The following USP34 variants were observed in gnomAD, a reference collection of about 807,000 sequenced individuals.
USP34 encodes the protein ubiquitin carboxyl-terminal hydrolase 34.
Under a neutral mutation model 460.3 loss-of-function variants are expected in USP34, and 70 were observed. The ratio of observed to expected loss-of-function variants is 0.15; its 90% CI spans 0.13 to 0.19. The LOEUF (loss-of-function observed/expected upper bound fraction) is 0.19. Among genes scored for constraint, USP34 ranks in the 10% least tolerant of loss-of-function variants. The probability of loss-of-function intolerance (pLI) is 1.00; values close to 1 mark genes in which losing one functional copy is unlikely to be tolerated. For synonymous variants in USP34, 1,647 were observed against 1,405.3 expected, an observed-to-expected ratio of 1.17 and a Z score of -3.85; for missense variants, 3,985 against 4,236.2, an observed-to-expected ratio of 0.94 and a Z score of 1.65.
intron 18 of USP34, among the ~76,000 whole-genome samples, chr2:61,335,514 G>C (rs1004081488): frequency 4.6e-5 from 7 of 152,220 alleles, no homozygotes; most frequent in Admixed American, 3.9e-4. Context: ...ACTTTGGGAA[G>C]TCAAGGTGAG....
At chr2:61,240,010 CAAAAAAA>C (rs10552748) in intron 53 of USP34, among the ~76,000 whole-genome samples, 1 of 104,866 alleles carries the variant, frequency 9.5e-6, no homozygotes. Flanking sequence ...GACTCCTTCT[CAAAAAAA>C]AAAAAAAAAA....
intron 43 of USP34, among the ~76,000 whole-genome samples, chr2:61,261,727 AATAAT>A (rs1688883762): frequency 1.3e-5 from 2 of 152,184 alleles, no homozygotes; most frequent in Non-Finnish European, 2.9e-5. Context: ...CAGAAAAGGG[AATAAT>A]ATAATTAACT....
At chr2:61,414,272 T>TAA (rs1558580724) in intron 2 of USP34, among the ~76,000 whole-genome samples, 4 of 102,506 alleles carry the variant, frequency 3.9e-5, no homozygotes, top group Admixed American at 1.1e-4. Context: ...ATAAATAACT[T>TAA]TAAAAAAAAA....
intron 3 of USP34, among the ~76,000 whole-genome samples, chr2:61,395,466 T>G (rs1253979065): frequency 4.6e-5 from 7 of 152,210 alleles, no homozygotes; most frequent in Non-Finnish European, 8.8e-5. Flanking sequence ...CTATTTTGCC[T>G]TATTAAACAT....
intron 27 of USP34, among the ~76,000 whole-genome samples, chr2:61,309,041 C>T (rs1690504563): frequency 6.6e-6 from 1 of 151,254 alleles, no homozygotes; most frequent in African/African-American, 2.5e-5. Flanking sequence ...TCAAAAACAA[C>T]AACAACAACA....
Position 61,459,446 on chromosome 2 carries a change from T to C in USP34, c.43+11204A>G, listed in dbSNP as rs116890007. ...TCATAGTATTCCAACTTCATAAGCA[T>C]GACACCACCTCCTAAAATTTGGGCA... On this transcript the variant is annotated intron_variant, in intron 1 of 79. Coordinates refer to ENST00000398571, the MANE Select transcript of USP34 (RefSeq NM_014709.4). 4.6e-5 allele frequency among the ~76,000 whole-genome samples: 7 copies of C among 152,290 alleles called. No homozygotes were observed. The East Asian group carries it at 9.6e-4, about 21-fold the overall frequency.
intron 46 of USP34, 43 bp downstream of exon 46, chr2:61,257,009 A>G (rs1484110436): frequency 6.9e-7 from 1 of 1,439,418 alleles, no homozygotes; most frequent in Non-Finnish European, 9.2e-7. Flanking sequence ...AAATGAAAAT[A>G]TATTAAGATC....
rs1429760798 is a variant in USP34 at position 61,437,786 on chromosome 2, T to TAAATAAATAAAC, written c.44-16954_44-16953insGTTTATTTATTT. Among the ~76,000 whole-genome samples the TAAATAAATAAAC allele has an allele frequency of 4.1e-5, 6 of 147,264 alleles. 1 individual carries two copies. The highest frequency in any genetic ancestry group is 3.2e-3 in the Middle Eastern group (1 of 308). On this transcript the variant is annotated intron_variant, in intron 1 of 79. Coordinates refer to ENST00000398571, the MANE Select transcript of USP34 (RefSeq NM_014709.4). ...AGACTCCGTCTCAAAAATAAATAAA[T>TAAATAAATAAAC]AAATAAATAAATAAATAAATAAATA...
In USP34 at chr2:61,294,957, T is replaced by C. The variant is rs1282490833; in HGVS notation, c.4453A>G (p.Ser1485Gly). The C allele has an allele frequency of 3.7e-6, 6 of 1,611,704 alleles. No homozygotes were observed. The highest frequency in any genetic ancestry group is 1.1e-5 in the South Asian group (1 of 90,360). The part of the protein sequence containing the change: ...DQVENSKNSW[S>G]CKFVAAGGLQ... Reference sequence around the variant, plus strand: ...AACACATATGATCAAACCTTGCAACTCCAGGAATTTTTACTATTTTCCACT... The same window carrying C: ...AACACATATGATCAAACCTTGCAACCCCAGGAATTTTTACTATTTTCCACT... Residue 1485 changes from serine to glycine, a missense_variant, in exon 32 of 80, where the codon AGT becomes GGT. Coordinates refer to ENST00000398571, the MANE Select transcript of USP34 (RefSeq NM_014709.4).
chr2:61,389,563 A>T lies in USP34; in HGVS notation c.753+5290T>A, dbSNP rs538622058. On this transcript the variant is annotated intron_variant, in intron 5 of 79. Coordinates refer to ENST00000398571, the MANE Select transcript of USP34 (RefSeq NM_014709.4). ...TAATATTCCCATTGTGATAAATGAG[A>T]AAAGTAATGCTTATAAAAGTAATGA... Among the ~76,000 whole-genome samples, 13 of 152,322 alleles carry T rather than the reference A, an allele frequency of 8.5e-5. No individual in the cohort carries two copies. The South Asian group carries it at 2.5e-3, about 29-fold the overall frequency.
chr2:61,387,647 A>T (rs970240981), intron 5 of USP34, among the ~76,000 whole-genome samples: 3 of 147,298 alleles, frequency 2.0e-5, no homozygotes, highest in Non-Finnish European at 3.0e-5. Context: ...CATATATAAA[A>T]ATATATATTT....
At position 61,350,544 on chromosome 2, in the gene USP34, A is replaced by C. The variant is rs200871725; in HGVS notation, c.1377+24T>G. On this transcript the variant is annotated intron_variant, in intron 11 of 79. Transcript: ENST00000398571. ...TTTCACTTCACGGGAAAAAAAAAAA[A>C]CTATCATGTTTTGAATGTATTACCT... 63 of 1,573,548 alleles carry C rather than the reference A, an allele frequency of 4.0e-5. No homozygotes were observed. In the African/African-American group the frequency reaches 6.8e-4, roughly 17 times the overall value.
chr2:61,301,939 T>C (rs1690238911), intron 27 of USP34, among the ~76,000 whole-genome samples: 1 of 147,200 alleles, frequency 6.8e-6, no homozygotes, highest in Non-Finnish European at 1.5e-5. Context: ...GATGGGAGGG[T>C]GAGGAGAAAA....
intron 34 of USP34, among the ~76,000 whole-genome samples, chr2:61,286,570 G>A (rs910206945): frequency 3.9e-5 from 6 of 152,030 alleles, no homozygotes; most frequent in South Asian, 2.1e-4. Context: ...TAGTAAAACC[G>A]CTTGAACACG....
Position 61,248,694 on chromosome 2 carries a change from A to T in USP34, c.6222-11T>A. The T allele has an allele frequency of 1.3e-6, 2 of 1,540,604 alleles. No individual in the cohort carries two copies. The highest frequency in any genetic ancestry group is 1.8e-6 in the Non-Finnish European group (2 of 1,140,534). ...TTCTTAAAACATGCCCTGAGAGACA[A>T]GAAAAAAATTAATAAAGATTATTTT... On this transcript the variant is annotated splice_polypyrimidine_tract_variant and intron_variant, in intron 48 of 79. Transcript: ENST00000398571.
rs1350104679 is a variant in USP34 at position 61,214,057 on chromosome 2, C to T, written c.8682+3G>A. ...CAGATAAAAGAGTATCAATTTTACT[C>T]ACTCCAGGGTATTGGCTGGCATGTG... is the stretch of plus-strand genomic sequence containing the variant. On this transcript the variant is annotated splice_donor_region_variant and intron_variant, in intron 68 of 79. Coordinates refer to ENST00000398571, the MANE Select transcript of USP34 (RefSeq NM_014709.4). The T allele has an allele frequency of 6.2e-7, 1 of 1,613,636 alleles. No homozygotes were observed. The highest frequency in any genetic ancestry group is 8.5e-7 in the Non-Finnish European group (1 of 1,179,896).
chr2:61,326,357 C>A (rs190531168), intron 20 of USP34, among the ~76,000 whole-genome samples: 95 of 151,972 alleles, frequency 6.3e-4, no homozygotes, highest in Non-Finnish European at 1.1e-3. Context: ...ACAAGCTAAT[C>A]CCAGCTAGGC....
At chr2:61,452,790 T>G (rs1265435942) in intron 1 of USP34, among the ~76,000 whole-genome samples, 1 of 150,226 alleles carries the variant, frequency 6.7e-6, no homozygotes, top group Non-Finnish European at 1.5e-5. Flanking sequence ...GAGGCTGACA[T>G]AAGAGGATCG....
intron 1 of USP34, among the ~76,000 whole-genome samples, chr2:61,451,001 C>T (rs886801321): frequency 3.3e-5 from 5 of 149,998 alleles, no homozygotes; most frequent in Admixed American, 1.3e-4. Context: ...AGGCGGATCA[C>T]GAGGTCAAGA....
Sources: gnomAD v4.1 joint callset for allele counts (sites outside exome capture counted in the v4.1 genomes callset) on GRCh38, gnomAD v4.1.1 for gene constraint, MANE v1.5 for transcripts, NCBI Gene and HGNC (gene_info 2026-07-23, HGNC 2026-07-21) for gene names.